The following IL16 variants were observed in gnomAD, a reference collection of about 807,000 sequenced individuals.
The protein encoded by IL16 is pro-interleukin-16.
IL16 carries 67 observed loss-of-function variants against 110.1 expected under a neutral mutation model. That is an observed-to-expected ratio of 0.61 (90% CI 0.50 to 0.75). The LOEUF (loss-of-function observed/expected upper bound fraction) is 0.75, where lower values mean the gene tolerates loss of function less well. Ranked by LOEUF, IL16 falls within the 30% of genes least tolerant of loss-of-function variation. IL16 has a pLI of 0.00. For missense variants in IL16, 1,545 were observed against 1,655.0 expected, an observed-to-expected ratio of 0.93 and a Z score of 1.15; for synonymous variants, 689 against 662.9, an observed-to-expected ratio of 1.04 and a Z score of -0.61.
chr15:81,237,893 T>TTTTA (rs1037545923), intron 2 of IL16, among the ~76,000 whole-genome samples: 3 of 151,458 alleles, frequency 2.0e-5, no homozygotes, highest in African/African-American at 4.8e-5. Context: ...TATTTTTTAA[T>TTTTA]TTTATTTATT....
intron 7 of IL16, among the ~76,000 whole-genome samples, chr15:81,279,332 CATCT>C (rs1023352182): frequency 5.9e-5 from 9 of 152,106 alleles, no homozygotes; most frequent in African/African-American, 1.2e-4. Flanking sequence ...TCTATCCTTC[CATCT>C]ATCTATCTAT....
chr15:81,195,480 C>T (rs1412403446), upstream of IL16, among the ~76,000 whole-genome samples: 1 of 152,192 alleles, frequency 6.6e-6, no homozygotes, highest in Non-Finnish European at 1.5e-5. Flanking sequence ...CTTCACTGCA[C>T]TCCAGACTCA....
intron 2 of IL16, among the ~76,000 whole-genome samples, chr15:81,228,973 C>T (rs1896882283): frequency 6.6e-6 from 1 of 152,118 alleles, no homozygotes; most frequent in African/African-American, 2.4e-5. Flanking sequence ...ATTATAGGCA[C>T]TTACATGAGA....
intron 10 of IL16, chr15:81,290,090 G>A (rs1003519665): frequency 4.5e-5 from 14 of 313,022 alleles, no homozygotes; most frequent in Non-Finnish European, 6.7e-5. Flanking sequence ...TGATTATTAC[G>A]ATATTGTTGA....
At chr15:81,293,454 G>T (rs1461317572) in intron 12 of IL16, among the ~76,000 whole-genome samples, 1 of 152,150 alleles carries the variant, frequency 6.6e-6, no homozygotes, top group Non-Finnish European at 1.5e-5. Context: ...TGTAATCCCA[G>T]CACTTTGGGA....
chr15:81,290,159 G>A, intron 10 of IL16: 1 of 450,946 alleles, frequency 2.2e-6, no homozygotes, highest in Non-Finnish European at 4.0e-6. Context: ...GATAACCTAT[G>A]AAGTGGTAAC....
chr15:81,274,329 G>C (rs1373529477), intron 6 of IL16, among the ~76,000 whole-genome samples: 1 of 152,164 alleles, frequency 6.6e-6, no homozygotes, highest in African/African-American at 2.4e-5. Flanking sequence ...TATGATATGT[G>C]GAAATGAAAT....
At chr15:81,229,136 C>A (rs1224842295) in intron 2 of IL16, among the ~76,000 whole-genome samples, 1 of 152,124 alleles carries the variant, frequency 6.6e-6, no homozygotes, top group African/African-American at 2.4e-5. Flanking sequence ...ATGTGCTAGA[C>A]AGTGTGTAAG....
chr15:81,185,274 T>G lies in IL16; in HGVS notation c.40+2378T>G, dbSNP rs1443087442. ...TTTATTACTCTCCGTCTCCTCCTAA[T>G]TTCCTATTTACTTTTCAATATACAA... On this transcript the variant is annotated intron_variant, in intron 1 of 18. Coordinates refer to the IL16 transcript ENST00000302987. Among the ~76,000 whole-genome samples the G allele has an allele frequency of 2.0e-5, 3 of 152,190 alleles. No homozygotes were observed. The East Asian group carries it at 5.8e-4, about 29-fold the overall frequency.
chr15:81,248,935 G>A (rs1352201005), intron 2 of IL16, among the ~76,000 whole-genome samples: 2 of 151,554 alleles, frequency 1.3e-5, no homozygotes, highest in Admixed American at 1.3e-4. Context: ...TGCCCAGGCT[G>A]GTCTTGAACT....
At position 81,290,400 on chromosome 15, in the gene IL16, C is replaced by T. The variant is rs1166834777; in HGVS notation, c.1333-53C>T. The T allele has an allele frequency of 3.8e-6, 5 of 1,320,848 alleles. No individual in the cohort carries two copies. In the East Asian group the frequency reaches 7.1e-5, roughly 19 times the overall value. 81.8% of individuals were successfully genotyped at this position (1,320,848 alleles called of 1,614,324 possible). A position where few individuals can be genotyped will look rare whatever the true frequency, so the allele number is the denominator to read the frequency against. ...TTTGGAGCTGGTACGGGGCTGGGAG[C>T]CTGATGCAGGAGCTTCTACTGTTTG... On this transcript the variant is annotated intron_variant, in intron 10 of 18. Transcript: ENST00000683961.
chr15:81,220,472 A>G (rs1307254073), intron 1 of IL16, among the ~76,000 whole-genome samples: 2 of 152,202 alleles, frequency 1.3e-5, no homozygotes, highest in Non-Finnish European at 2.9e-5. Flanking sequence ...TTCTTTTAGA[A>G]AGAGAAAGAA....
intron 10 of IL16, among the ~76,000 whole-genome samples, chr15:81,286,517 G>A (rs545193300): frequency 1.3e-5 from 2 of 152,180 alleles, no homozygotes; most frequent in Non-Finnish European, 2.9e-5. Context: ...GGGCATTGGG[G>A]TTACACTGCA....
intron 4 of IL16, among the ~76,000 whole-genome samples, 187 bp downstream of exon 4, chr15:81,265,988 T>C (rs978401111): frequency 6.6e-6 from 1 of 152,180 alleles, no homozygotes; most frequent in Middle Eastern, 3.2e-3. Flanking sequence ...GCATTAGAAA[T>C]GGTCATCCAT....
intron 3 of IL16, 100 bp downstream of exon 3, chr15:81,259,980 T>C (rs1898092717): frequency 5.4e-6 from 4 of 742,914 alleles, no homozygotes; most frequent in Non-Finnish European, 9.4e-6. Flanking sequence ...CCAGTTGGAG[T>C]AAACTAGCAT....
chr15:81,213,672 G>A (rs1217282175), intron 1 of IL16, among the ~76,000 whole-genome samples: 2 of 152,008 alleles, frequency 1.3e-5, no homozygotes, highest in Non-Finnish European at 2.9e-5. Context: ...ACTTTTATTG[G>A]TTTAAAGTCT....
chr15:81,212,622 CCACCG>C (rs1171131275), intron 1 of IL16, among the ~76,000 whole-genome samples: 2 of 152,192 alleles, frequency 1.3e-5, no homozygotes, highest in East Asian at 1.9e-4. Context: ...CAGGCTCCCT[CCACCG>C]CACCCAGCTA....
chr15:81,304,347 T>A (rs1900444188), intron 16 of IL16, among the ~76,000 whole-genome samples: 1 of 152,228 alleles, frequency 6.6e-6, no homozygotes, highest in South Asian at 2.1e-4. Flanking sequence ...AAAGAGAGCT[T>A]GCCTGTGGGA....
chr15:81,298,745 A>T (rs186066570), intron 13 of IL16, among the ~76,000 whole-genome samples: 1 of 152,260 alleles, frequency 6.6e-6, no homozygotes, highest in Non-Finnish European at 1.5e-5. Flanking sequence ...TGACCTGTGT[A>T]TAGGCAGAGC....
Sources: allele counts gnomAD v4.1 joint callset (sites outside exome capture counted in the v4.1 genomes callset), GRCh38; gene constraint gnomAD v4.1.1; transcripts MANE v1.5; gene names NCBI Gene and HGNC (gene_info 2026-07-23, HGNC 2026-07-21).